Variants in SV2C observed in about 807,000 individuals in gnomAD.
SV2C encodes the protein synaptic vesicle glycoprotein 2C.
SV2C carries 49 observed loss-of-function variants against 79.7 expected under a neutral mutation model. That is an observed-to-expected ratio of 0.61 (90% CI 0.49 to 0.78). The LOEUF is 0.78. Among genes scored for constraint, SV2C ranks in the 30% least tolerant of loss-of-function variants. SV2C has a pLI of 0.00. For synonymous variants in SV2C, 334 were observed against 333.2 expected (o/e 1.00, Z -0.03); for missense variants, 833 against 912.9 (o/e 0.91, Z 1.13).
At chr5:76,339,573 G>T (rs369896193) in intron 12 of SV2C, among the ~76,000 whole-genome samples, 2 of 152,184 alleles carry the variant, frequency 1.3e-5, no homozygotes, top group African/African-American at 4.8e-5. Context: ...AATTAACTGG[G>T]TGTGGTGGTG....
intron 4 of SV2C, among the ~76,000 whole-genome samples, chr5:76,246,368 A>T (rs1745948518): frequency 6.6e-6 from 1 of 152,224 alleles, no homozygotes; most frequent in African/African-American, 2.4e-5. Flanking sequence ...GTAACATATA[A>T]GTGATTGTCT....
At position 76,195,017 on chromosome 5, in the gene SV2C, G is replaced by A; in HGVS notation, c.679G>A (p.Val227Ile). 6.2e-7 allele frequency: 1 copy of A among 1,614,128 alleles called. No individual in the cohort carries two copies. The highest frequency in any genetic ancestry group is 8.5e-7 in the Non-Finnish European group (1 of 1,179,980). Residue 227 changes from valine to isoleucine, a missense_variant, in exon 3 of 13, where the codon GTC becomes ATC. Transcript: ENST00000502798. ...RKQSLLICMSVNGFFAFLSSF... is the reference protein window; with the variant it reads ...RKQSLLICMSINGFFAFLSSF... Reference sequence around the variant, plus strand: ...ACAGTCTCTTCTGATTTGCATGTCTGTCAACGGATTCTTTGCCTTCCTTTC... The same window carrying A: ...ACAGTCTCTTCTGATTTGCATGTCTATCAACGGATTCTTTGCCTTCCTTTC...
chr5:76,171,964 C>CAT (rs1743291737), intron 2 of SV2C, among the ~76,000 whole-genome samples: 1 of 128,490 alleles, frequency 7.8e-6, no homozygotes, highest in Admixed American at 7.3e-5. Flanking sequence ...CCTGGCCAGC[C>CAT]GCCCCGTCCG....
At chr5:76,106,557 C>T (rs1310945771) in intron 1 of SV2C, among the ~76,000 whole-genome samples, 1 of 152,174 alleles carries the variant, frequency 6.6e-6, no homozygotes, top group Non-Finnish European at 1.5e-5. Flanking sequence ...TCATCTTCTG[C>T]TCTTCTCTTT....
chr5:76,181,230 C>T (rs1177793382), intron 2 of SV2C, among the ~76,000 whole-genome samples: 2 of 152,206 alleles, frequency 1.3e-5, no homozygotes, highest in African/African-American at 4.8e-5. Context: ...TTGGTAGGAA[C>T]ACAACCACAC....
chr5:76,351,741 C>A (rs927265110), intron 12 of SV2C, among the ~76,000 whole-genome samples: 1 of 152,216 alleles, frequency 6.6e-6, no homozygotes, highest in African/African-American at 2.4e-5. Flanking sequence ...AAAACCACAA[C>A]AAAAGCACCT....
the SV2C span, among the ~76,000 whole-genome samples, chr5:76,055,965 T>C: frequency 6.6e-6 from 1 of 152,188 alleles, no homozygotes; most frequent in Non-Finnish European, 1.5e-5. Context: ...TGACTTCCTC[T>C]CTTCTTATTT....
intron 10 of SV2C, among the ~76,000 whole-genome samples, chr5:76,299,524 A>G (rs1424215288): frequency 6.6e-6 from 1 of 152,232 alleles, no homozygotes; most frequent in Admixed American, 6.5e-5. Context: ...CAGATGTTTG[A>G]ACCCAGATTT....
chr5:75,939,064 G>A, the SV2C span, among the ~76,000 whole-genome samples: 3 of 152,134 alleles, frequency 2.0e-5, no homozygotes, highest in Non-Finnish European at 4.4e-5. Context: ...GGCCTCCAGA[G>A]CATGAAGTGC....
At chr5:76,080,469 G>A (rs564135782), upstream of SV2C, among the ~76,000 whole-genome samples, 313 of 152,246 alleles carry the variant, frequency 2.1e-3, no homozygotes, top group Non-Finnish European at 3.5e-3. Context: ...CAAAGCGCAG[G>A]CTTTGGAAAA....
intron 1 of SV2C, among the ~76,000 whole-genome samples, chr5:76,104,835 T>C (rs765527271): frequency 2.0e-5 from 3 of 152,120 alleles, no homozygotes; most frequent in Non-Finnish European, 4.4e-5. Flanking sequence ...TTCATGGGCT[T>C]TTGTCTACAT....
At chr5:76,171,848 C>T (rs1324423635) in intron 2 of SV2C, among the ~76,000 whole-genome samples, 1 of 104,344 alleles carries the variant, frequency 9.6e-6, no homozygotes, top group Non-Finnish European at 2.1e-5. Flanking sequence ...AGTGAGGAGC[C>T]CCTCAGCCCG....
At chr5:76,069,834 T>A in the SV2C span, among the ~76,000 whole-genome samples, 9,230 of 146,376 alleles carry the variant, frequency 0.063, 462 homozygotes, top group African/African-American at 0.13. Flanking sequence ...TCTCTCTCTC[T>A]CACACACACA....
At chr5:76,008,032 G>A in the SV2C span, among the ~76,000 whole-genome samples, 11 of 152,126 alleles carry the variant, frequency 7.2e-5, no homozygotes, top group East Asian at 1.9e-4. Flanking sequence ...GCCTCATTCC[G>A]TGAGGGTGTA....
rs1748896586 is a variant in SV2C at position 76,131,737 on chromosome 5, T to C, written c.-14T>C. On this transcript the variant is annotated 5_prime_UTR_variant, in exon 2 of 13. Transcript: ENST00000502798. ...AAATTTCCCATCTTCTCATTGGCCA[T>C]CAGTTGAGATAAGATGGAAGACTCT... 3.8e-6 allele frequency: 6 copies of C among 1,570,670 alleles called. No individual in the cohort carries two copies. In the South Asian group the frequency reaches 7.1e-5, roughly 18 times the overall value.
At chr5:75,855,990 A>G in the SV2C span, among the ~76,000 whole-genome samples, 1,918 of 151,602 alleles carry the variant, frequency 0.013, 34 homozygotes, top group African/African-American at 0.044. Context: ...CTCTATCTCC[A>G]TGAGTTCAAT....
At chr5:76,343,532 C>A (rs1019089102) in intron 12 of SV2C, among the ~76,000 whole-genome samples, 4 of 152,088 alleles carry the variant, frequency 2.6e-5, no homozygotes, top group Non-Finnish European at 5.9e-5. Context: ...AGAGACTCCC[C>A]CAAATGGCTA....
At chr5:76,223,463 A>G (rs1475568918) in intron 4 of SV2C, among the ~76,000 whole-genome samples, 5 of 58,998 alleles carry the variant, frequency 8.5e-5, no homozygotes, top group Non-Finnish European at 8.8e-5. Context: ...ATATATATAT[A>G]TATATATATA....
chr5:75,910,934 A>G, the SV2C span: 1 of 916,446 alleles, frequency 1.1e-6, no homozygotes, highest in East Asian at 2.4e-5. Flanking sequence ...GGGACTATCA[A>G]GCAGCAGCAG....
Sources: allele counts gnomAD v4.1 joint callset (sites outside exome capture counted in the v4.1 genomes callset), GRCh38; gene constraint gnomAD v4.1.1; transcripts MANE v1.5; gene names NCBI Gene and HGNC (gene_info 2026-07-23, HGNC 2026-07-21).